The following PNKD variants were observed in gnomAD, a reference collection of about 807,000 sequenced individuals.
The protein encoded by PNKD is PNKD metallo-beta-lactamase domain containing.
PNKD carries 36 observed loss-of-function variants against 45.3 expected under a neutral mutation model. The ratio of observed to expected loss-of-function variants is 0.80; its 90% CI spans 0.61 to 1.05. The LOEUF (loss-of-function observed/expected upper bound fraction) is 1.05, where lower values mean the gene tolerates loss of function less well. Ranked by LOEUF, PNKD falls within the 50% of genes least tolerant of loss-of-function variation. The pLI is 0.00. For synonymous variants in PNKD, 197 were observed against 210.1 expected (o/e 0.94, Z 0.54); for missense variants, 511 against 506.6 (o/e 1.01, Z -0.08).
chr2:218,330,393 C>T (rs1051308375), intron 2 of PNKD, among the ~76,000 whole-genome samples: 2 of 152,214 alleles, frequency 1.3e-5, no homozygotes, highest in Admixed American at 1.3e-4. Flanking sequence ...GGGGCAGTGG[C>T]TCACTGTCCC....
chr2:218,311,167 C>G (rs899924019), intron 2 of PNKD, among the ~76,000 whole-genome samples: 1 of 152,182 alleles, frequency 6.6e-6, no homozygotes, highest in East Asian at 1.9e-4. Flanking sequence ...GGCCTTCAGC[C>G]TATTTGCCTC....
intron 2 of PNKD, among the ~76,000 whole-genome samples, chr2:218,309,293 C>G (rs575651101): frequency 2.9e-4 from 44 of 151,288 alleles, no homozygotes; most frequent in African/African-American, 1.0e-3. Flanking sequence ...GTGGTGCATG[C>G]CTGTAGTCCC....
chr2:218,278,548 G>C (rs746804635), intron 2 of PNKD: 3 of 1,614,196 alleles, frequency 1.9e-6, no homozygotes, highest in Non-Finnish European at 2.5e-6. Context: ...GATCAGGTAG[G>C]TGACAACGAA....
chr2:218,274,491 G>A (rs1240368558), intron 2 of PNKD: 1 of 154,044 alleles, frequency 6.5e-6, no homozygotes, highest in African/African-American at 2.4e-5. Context: ...CCCTGGGTTA[G>A]CAGAAGGAAA....
chr2:218,307,162 G>A (rs181841505), intron 2 of PNKD, among the ~76,000 whole-genome samples: 95 of 152,228 alleles, frequency 6.2e-4, no homozygotes, highest in Non-Finnish European at 9.7e-4. Flanking sequence ...TAAAGATCCC[G>A]TGTGGCAGCA....
At chr2:218,321,155 AC>A (rs958648788) in intron 2 of PNKD, among the ~76,000 whole-genome samples, 1 of 152,050 alleles carries the variant, frequency 6.6e-6, no homozygotes, top group African/African-American at 2.4e-5. Context: ...GTTTCAGATT[AC>A]AGGACTGCAT....
In PNKD at chr2:218,324,997, CTTTTTTTTTTTTTTTTT is replaced by C. The variant is rs1167758595; in HGVS notation, c.237-14774_237-14758del. Among the ~76,000 whole-genome samples the C allele has an allele frequency of 1.6e-3, 102 of 62,684 alleles. 1 individual carries two copies. The highest frequency in any genetic ancestry group is 6.4e-3 in the African/African-American group (96 of 14,890). The allele number at this position is 62,684 out of a possible 152,430, so 41.1% of individuals were successfully genotyped here. A position where few individuals can be genotyped will look rare whatever the true frequency, so the allele number is the denominator to read the frequency against. On this transcript the variant is annotated intron_variant, in intron 2 of 9. Transcript: ENST00000273077. ...AACATGAAGGTATCTAAATAATTTT[CTTTTTTTTTTTTTTTTT>C]TTTTTTTTTTTGAGACGGAGTCTCG...
At chr2:218,312,537 C>T (rs1693644353) in intron 2 of PNKD, among the ~76,000 whole-genome samples, 1 of 144,908 alleles carries the variant, frequency 6.9e-6, no homozygotes, top group African/African-American at 2.6e-5. Flanking sequence ...GGATATTGAC[C>T]AACAGGATCT....
intron 2 of PNKD, chr2:218,287,082 T>C (rs1225791834): frequency 6.6e-6 from 1 of 152,168 alleles, no homozygotes; most frequent in East Asian, 1.9e-4. Flanking sequence ...GGCCTGATTC[T>C]GCACCAAGGG....
At chr2:218,299,257 TCA>T (rs1300300985) in intron 2 of PNKD, among the ~76,000 whole-genome samples, 1 of 152,180 alleles carries the variant, frequency 6.6e-6, no homozygotes, top group African/African-American at 2.4e-5. Context: ...TTCTCCTGCC[TCA>T]GTCTCCTGAG....
chr2:218,273,449 T>G (rs1220719139), intron 2 of PNKD, among the ~76,000 whole-genome samples: 27 of 134,168 alleles, frequency 2.0e-4, no homozygotes, highest in African/African-American at 4.7e-4. Context: ...TTTTTGTGTT[T>G]TTTTTTTTTT....
At chr2:218,270,746 C>T (rs1690798105) in intron 1 of PNKD, 144 bp downstream of exon 1, 1 of 420,748 alleles carries the variant, frequency 2.4e-6, no homozygotes, top group South Asian at 1.1e-4. Flanking sequence ...TGCAGAGATG[C>T]TCTTTAGAGG....
At chr2:218,325,039 G>A (rs563745227) in intron 2 of PNKD, among the ~76,000 whole-genome samples, 21 of 101,844 alleles carry the variant, frequency 2.1e-4, no homozygotes, top group African/African-American at 6.0e-4. Context: ...ACGGAGTCTC[G>A]CTCTGTCACC....
chr2:218,323,495 G>A (rs1380100475), intron 2 of PNKD: 1 of 1,378,464 alleles, frequency 7.3e-7, no homozygotes, highest in African/African-American at 1.5e-5. Flanking sequence ...AGGGGACTGG[G>A]AGGCGGGGGC....
chr2:218,270,645 C>T, intron 1 of PNKD, 43 bp downstream of exon 1: 2 of 578,598 alleles, frequency 3.5e-6, no homozygotes, highest in South Asian at 7.2e-5. Context: ...GCAGAAGATC[C>T]CTTTTCTTTC....
intron 2 of PNKD, among the ~76,000 whole-genome samples, chr2:218,293,142 C>A (rs1693036138): frequency 6.6e-6 from 1 of 152,204 alleles, no homozygotes. Context: ...TATAATTACT[C>A]AACCAGGAAA....
At chr2:218,271,641 C>T in intron 2 of PNKD, 92 bp downstream of exon 2, 1 of 1,148,850 alleles carries the variant, frequency 8.7e-7, no homozygotes, top group Non-Finnish European at 1.3e-6. Flanking sequence ...AGGTGGCGAG[C>T]TGAATCCAAA....
At chr2:218,321,565 C>G (rs1387354649) in intron 2 of PNKD, among the ~76,000 whole-genome samples, 1 of 151,386 alleles carries the variant, frequency 6.6e-6, no homozygotes, top group Admixed American at 6.6e-5. Flanking sequence ...GATAATTTAA[C>G]ATATCCCTCA....
chr2:218,328,751 C>A (rs1694227672), intron 2 of PNKD, among the ~76,000 whole-genome samples: 1 of 152,194 alleles, frequency 6.6e-6, no homozygotes, highest in South Asian at 2.1e-4. Flanking sequence ...GGCTCAGGTG[C>A]CCTTTTCTCC....
Sources: gnomAD v4.1 joint callset for allele counts (sites outside exome capture counted in the v4.1 genomes callset) on GRCh38, gnomAD v4.1.1 for gene constraint, MANE v1.5 for transcripts, NCBI Gene and HGNC (gene_info 2026-07-23, HGNC 2026-07-21) for gene names.